ART3: variants seen among roughly 807,000 people sequenced by gnomAD.
ART3 encodes the protein ADP-ribosyltransferase 3 (inactive).
In ART3, 49 loss-of-function variants were observed where a neutral mutation model predicts 48.5. The observed-to-expected ratio is 1.01, with a 90% CI of 0.80 to 1.28. ART3 has a LOEUF of 1.28. Ranked by LOEUF, ART3 falls within the 50% of genes most tolerant of loss-of-function variation. The pLI, the probability that ART3 is intolerant of heterozygous loss-of-function variation, is 0.00. For synonymous variants in ART3, 145 were observed against 157.2 expected, an observed-to-expected ratio of 0.92 and a Z score of 0.58; for missense variants, 438 against 454.3, an observed-to-expected ratio of 0.96 and a Z score of 0.33.
intron 2 of ART3, among the ~76,000 whole-genome samples, chr4:76,080,699 T>G (rs140367060): frequency 2.7e-5 from 4 of 149,374 alleles, no homozygotes; most frequent in African/African-American, 9.9e-5. Flanking sequence ...TTAGTAGAGA[T>G]GGGGTTTCAT....
chr4:76,102,447 A>C (rs1013449426), intron 8 of ART3, among the ~76,000 whole-genome samples: 1 of 152,140 alleles, frequency 6.6e-6, no homozygotes, highest in Non-Finnish European at 1.5e-5. Context: ...CTTAGTCTGA[A>C]GCAATGGCCT....
intron 1 of ART3, among the ~76,000 whole-genome samples, chr4:76,060,649 G>A (rs1340828904): frequency 6.6e-6 from 1 of 152,158 alleles, no homozygotes; most frequent in Non-Finnish European, 1.5e-5. Flanking sequence ...TATACATTGG[G>A]TGGACCCACT....
At chr4:76,053,347 A>G (rs1199238863) in intron 1 of ART3, among the ~76,000 whole-genome samples, 1 of 152,132 alleles carries the variant, frequency 6.6e-6, no homozygotes, top group Admixed American at 6.5e-5. Flanking sequence ...ATTAATTAAG[A>G]GTTTGATCTA....
chr4:76,041,957 C>G (rs1231849286), intron 1 of ART3, among the ~76,000 whole-genome samples: 1 of 152,216 alleles, frequency 6.6e-6, no homozygotes, highest in African/African-American at 2.4e-5. Context: ...GATACATTCT[C>G]TGTGTTCTTA....
chr4:76,042,735 T>C (rs1735090598), intron 1 of ART3, among the ~76,000 whole-genome samples: 1 of 152,144 alleles, frequency 6.6e-6, no homozygotes. Flanking sequence ...CGGTGAGTGT[T>C]ACAGCTCATA....
chr4:76,046,706 A>G (rs1298325822), intron 1 of ART3, among the ~76,000 whole-genome samples: 1 of 151,948 alleles, frequency 6.6e-6, no homozygotes, highest in Non-Finnish European at 1.5e-5. Context: ...CATGTAGATA[A>G]TAGCTCCAGC....
At chr4:76,041,344 G>A (rs959731598) in intron 1 of ART3, 2 of 152,100 alleles carry the variant, frequency 1.3e-5, no homozygotes, top group South Asian at 2.1e-4. Flanking sequence ...GTATAATATG[G>A]TTTTTCTAGC....
At position 76,049,881 on chromosome 4, in the gene ART3, C is replaced by T. The variant is rs376165398; in HGVS notation, c.-9-26000C>T. On this transcript the variant is annotated intron_variant, in intron 1 of 9. Transcript: ENST00000341029. ...GTGAGTGTTACAGCTCTTAAGGTGG[C>T]GCGTCTGGAGTTTGTTCCTTCTGAT... 2.0e-4 allele frequency among the ~76,000 whole-genome samples: 31 copies of T among 151,934 alleles called. No individual in the cohort carries two copies. In the South Asian group the frequency reaches 3.7e-3, roughly 18 times the overall value.
At chr4:76,082,633 A>G in intron 3 of ART3, 98 bp downstream of exon 3, 1 of 959,726 alleles carries the variant, frequency 1.0e-6, no homozygotes, top group South Asian at 1.9e-5. Flanking sequence ...GGTGTTTGAA[A>G]GGTGAAATGA....
chr4:76,017,800 G>T (rs1053636864), intron 1 of ART3, among the ~76,000 whole-genome samples: 2 of 152,228 alleles, frequency 1.3e-5, no homozygotes, highest in East Asian at 1.9e-4. Context: ...CCTGGGGATG[G>T]TCTAAATGCT....
chr4:76,021,948 C>A lies in ART3; in HGVS notation c.-10+10628C>A, dbSNP rs763762527. 15 of 1,610,886 alleles carry A rather than the reference C, an allele frequency of 9.3e-6. No individual in the cohort carries two copies. Among genetic ancestry groups the A allele is most frequent in the Non-Finnish European group, 1.2e-5 (14 of 1,177,180 alleles). ...TCTGGTTTTAAGGAGATCTTTTAGA[C>A]CTGTAAGAAGAGAAAGGGGATATAA... On this transcript the variant is annotated intron_variant, in intron 1 of 9. Transcript: ENST00000341029.
upstream of ART3, among the ~76,000 whole-genome samples, chr4:76,074,434 A>T (rs1720655361): frequency 6.6e-6 from 1 of 152,162 alleles, no homozygotes; most frequent in Admixed American, 6.5e-5. Context: ...TCCATGCTTT[A>T]GTTTGATATC....
intron 1 of ART3, among the ~76,000 whole-genome samples, chr4:76,060,550 T>C (rs916129717): frequency 6.6e-6 from 1 of 152,198 alleles, no homozygotes; most frequent in Non-Finnish European, 1.5e-5. Context: ...CCCAAAGATT[T>C]CCATGCCCTA....
At chr4:76,069,015 T>G (rs545546018) in intron 1 of ART3, among the ~76,000 whole-genome samples, 1 of 152,330 alleles carries the variant, frequency 6.6e-6, no homozygotes, top group South Asian at 2.1e-4. Flanking sequence ...TTTTTAGAAC[T>G]ACTGATACAT....
intron 1 of ART3, among the ~76,000 whole-genome samples, chr4:76,050,343 C>G (rs897754956): frequency 6.6e-6 from 1 of 152,086 alleles, no homozygotes; most frequent in Non-Finnish European, 1.5e-5. Context: ...CACAAAGGTT[C>G]TCCACATCCC....
intron 3 of ART3, among the ~76,000 whole-genome samples, chr4:76,094,385 G>A (rs1725565101): frequency 6.6e-6 from 1 of 152,184 alleles, no homozygotes; most frequent in African/African-American, 2.4e-5. Flanking sequence ...ATGATGAATT[G>A]TATTTTCCTG....
At chr4:76,091,532 A>G (rs74715133) in intron 3 of ART3, among the ~76,000 whole-genome samples, 84 of 152,270 alleles carry the variant, frequency 5.5e-4, no homozygotes, top group African/African-American at 1.9e-3. Context: ...CCATTTGTAT[A>G]TATTTACTGA....
intron 1 of ART3, among the ~76,000 whole-genome samples, chr4:76,062,856 G>A (rs988207634): frequency 1.3e-5 from 2 of 151,860 alleles, no homozygotes; most frequent in Non-Finnish European, 2.9e-5. Context: ...CACCGAGCCC[G>A]GCCCCAAGTC....
chr4:76,075,023 G>C (rs1261784744), intron 1 of ART3, among the ~76,000 whole-genome samples: 6 of 152,150 alleles, frequency 3.9e-5, no homozygotes, highest in Non-Finnish European at 1.5e-5. Flanking sequence ...AAACAAAACT[G>C]CTTCTGAAGA....
Sources: gnomAD v4.1 joint callset for allele counts (sites outside exome capture counted in the v4.1 genomes callset) on GRCh38, gnomAD v4.1.1 for gene constraint, MANE v1.5 for transcripts, NCBI Gene and HGNC (gene_info 2026-07-23, HGNC 2026-07-21) for gene names.